PUDP: variants seen among roughly 807,000 people sequenced by gnomAD.
The protein encoded by PUDP is pseudouridine 5'-phosphatase, also known as pseudouridine-5'-phosphatase.
PUDP carries 8 observed loss-of-function variants against 9.4 expected under a neutral mutation model. That is an observed-to-expected ratio of 0.85 (90% CI 0.50 to 1.53). PUDP has a LOEUF of 1.53. Among genes scored for constraint, PUDP ranks in the 40% most tolerant of loss-of-function variants. PUDP has a pLI of 0.00. For synonymous variants in PUDP, 99 were observed against 80.7 expected, an observed-to-expected ratio of 1.23 and a Z score of -1.22; for missense variants, 188 against 189.7, an observed-to-expected ratio of 0.99 and a Z score of 0.05.
intron 3 of PUDP, among the ~76,000 whole-genome samples, chrX:7,074,357 G>A (rs1304753171): frequency 8.9e-6 from 1 of 112,276 alleles, no homozygotes; most frequent in Non-Finnish European, 1.9e-5. Context: ...CAACAAAGGG[G>A]ACCCTATCTG....
intron 3 of PUDP, among the ~76,000 whole-genome samples, chrX:6,852,152 G>A (rs906258682): frequency 8.9e-6 from 1 of 112,032 alleles, no homozygotes; most frequent in Admixed American, 9.4e-5. Flanking sequence ...TCTGTGCATG[G>A]CTACAGGAGA....
chrX:6,875,518 A>G (rs773207813), intron 3 of PUDP, among the ~76,000 whole-genome samples: 8 of 111,628 alleles, frequency 7.2e-5, no homozygotes, highest in Non-Finnish European at 1.3e-4. Flanking sequence ...TTAGGTCTCC[A>G]GGAAGGACTT....
intron 3 of PUDP, among the ~76,000 whole-genome samples, chrX:6,737,336 A>G (rs1043175860): frequency 8.9e-6 from 1 of 112,562 alleles, no homozygotes; most frequent in African/African-American, 3.2e-5. Context: ...ACAGTTGGCA[A>G]GAAATATTAT....
At chrX:7,053,930 C>T (rs1930168574) in intron 3 of PUDP, among the ~76,000 whole-genome samples, 1 of 111,985 alleles carries the variant, frequency 8.9e-6, no homozygotes, top group African/African-American at 3.3e-5. Flanking sequence ...TCACGTTTTG[C>T]TGGTTCCTCT....
chrX:6,866,105 G>A, intron 3 of PUDP, among the ~76,000 whole-genome samples: 1 of 110,118 alleles, frequency 9.1e-6, no homozygotes, highest in Middle Eastern at 4.6e-3. Context: ...TTTTATTTTT[G>A]TAGAGATAAT....
intron 1 of PUDP, among the ~76,000 whole-genome samples, chrX:6,982,441 G>T (rs933834358): frequency 6.4e-5 from 7 of 109,788 alleles, no homozygotes; most frequent in Admixed American, 1.9e-4. Flanking sequence ...CCATCATAGG[G>T]GTGTGGTAAG....
At chrX:6,913,093 A>T (rs1486316867) in intron 3 of PUDP, among the ~76,000 whole-genome samples, 7 of 111,997 alleles carry the variant, frequency 6.3e-5, no homozygotes, top group Admixed American at 5.7e-4. Context: ...AGTGATACTT[A>T]TATCGCTTAC....
At chrX:7,099,823 T>C (rs773237858) in intron 2 of PUDP, among the ~76,000 whole-genome samples, 1 of 112,195 alleles carries the variant, frequency 8.9e-6, no homozygotes, top group Non-Finnish European at 1.9e-5. Flanking sequence ...GGCTGATTCC[T>C]TGGTGACTGG....
intron 3 of PUDP, among the ~76,000 whole-genome samples, chrX:6,923,442 G>A (rs1056548741): frequency 1.8e-5 from 2 of 111,895 alleles, no homozygotes; most frequent in African/African-American, 6.5e-5. Flanking sequence ...CAAGGTCTTC[G>A]TCTCATTCCC....
In PUDP at chrX:7,049,115, C is replaced by G. The variant is rs942073048; in HGVS notation, c.*1181G>C. 4.5e-5 allele frequency: 5 copies of G among 111,717 alleles called. No individual in the cohort carries two copies. The highest frequency in any genetic ancestry group is 1.6e-4 in the African/African-American group (5 of 30,716). The allele number at this position is 111,717 out of a possible 1,213,427, so 9.2% of individuals were successfully genotyped here. ...ATTCACAGACAATCACTCCACCACA[C>G]GCACACATACATTCCTACGGTTTGT... is the stretch of plus-strand genomic sequence containing the variant. On this transcript the variant is annotated 3_prime_UTR_variant, in exon 4 of 4. Coordinates refer to ENST00000381077, the MANE Select transcript of PUDP (RefSeq NM_012080.5).
At chrX:6,807,400 C>T (rs981084807) in intron 3 of PUDP, among the ~76,000 whole-genome samples, 2 of 112,012 alleles carry the variant, frequency 1.8e-5, no homozygotes, top group Admixed American at 9.5e-5. Flanking sequence ...AACCAAAGTA[C>T]CGACCTAAAT....
chrX:6,823,359 T>G (rs1207606524), intron 3 of PUDP, among the ~76,000 whole-genome samples: 1 of 112,153 alleles, frequency 8.9e-6, no homozygotes, highest in Non-Finnish European at 1.9e-5. Context: ...ACCATGAATG[T>G]ATGCAGGCCT....
At chrX:6,963,520 T>C (rs1418358717) in intron 3 of PUDP, among the ~76,000 whole-genome samples, 1 of 111,795 alleles carries the variant, frequency 8.9e-6, no homozygotes, top group African/African-American at 3.3e-5. Context: ...TGGGTATTCA[T>C]TGGAGAATTG....
intron 3 of PUDP, among the ~76,000 whole-genome samples, chrX:6,873,937 C>T (rs1927213241): frequency 9.0e-6 from 1 of 111,414 alleles, no homozygotes; most frequent in African/African-American, 3.3e-5. Context: ...GCCTGGGCAA[C>T]AAGGCAAAAC....
chrX:6,898,513 G>A (rs751081758), intron 3 of PUDP, among the ~76,000 whole-genome samples: 1 of 111,846 alleles, frequency 8.9e-6, no homozygotes, highest in East Asian at 2.8e-4. Flanking sequence ...CTTATCCAAC[G>A]AGGTGACTCT....
At chrX:6,801,294 C>T (rs1002368945) in intron 3 of PUDP, among the ~76,000 whole-genome samples, 1 of 112,174 alleles carries the variant, frequency 8.9e-6, no homozygotes, top group Non-Finnish European at 1.9e-5. Flanking sequence ...GGTTATGTGG[C>T]AGACCCCAGT....
At chrX:6,787,648 T>C (rs1327167207) in intron 3 of PUDP, among the ~76,000 whole-genome samples, 1 of 112,662 alleles carries the variant, frequency 8.9e-6, no homozygotes, top group Non-Finnish European at 1.9e-5. Context: ...TGATGTTTTA[T>C]AGCACAATTA....
intron 3 of PUDP, among the ~76,000 whole-genome samples, chrX:6,975,918 T>C (rs981375989): frequency 8.9e-6 from 1 of 112,343 alleles, no homozygotes; most frequent in South Asian, 3.7e-4. Flanking sequence ...AGAGGAATCT[T>C]GTGAGGCAGT....
At chrX:7,063,329 T>C (rs1209180297) in intron 3 of PUDP, among the ~76,000 whole-genome samples, 5 of 112,011 alleles carry the variant, frequency 4.5e-5, no homozygotes, top group African/African-American at 1.6e-4. Context: ...CTTAATAAAA[T>C]GGAACAAAAA....
Sources: gnomAD v4.1 joint callset for allele counts (sites outside exome capture counted in the v4.1 genomes callset) on GRCh38, gnomAD v4.1.1 for gene constraint, MANE v1.5 for transcripts, NCBI Gene and HGNC (gene_info 2026-07-23, HGNC 2026-07-21) for gene names.